The following NR3C2 variants were observed in gnomAD, a reference collection of about 807,000 sequenced individuals.
NR3C2 encodes the protein mineralocorticoid receptor.
Under a neutral mutation model 86.4 loss-of-function variants are expected in NR3C2, and 15 were observed. The ratio of observed to expected loss-of-function variants is 0.17; its 90% CI spans 0.12 to 0.27. The LOEUF is 0.27. NR3C2 is among the 10% of genes least tolerant of loss of function. The pLI is 1.00. For synonymous variants in NR3C2, 458 were observed against 450.5 expected, an observed-to-expected ratio of 1.02 and a Z score of -0.21; for missense variants, 960 against 1,195.6, an observed-to-expected ratio of 0.80 and a Z score of 2.91.
At position 148,435,399 on chromosome 4, in the gene NR3C2, C is replaced by T. The variant is rs374732530; in HGVS notation, c.1462G>A (p.Gly488Arg). The stretch of plus-strand genomic sequence containing the variant: ...TCTTGTTTAATACCCACTGGGAATC[C>T]GCTGCCTTCACAGTTACCATCAAAG... ...PGFDGNCEGS[G>R]FPVGIKQEPD... is the part of the protein sequence containing the mutation. Residue 488 changes from glycine (G) to arginine (R), a missense_variant, in exon 2 of 9, where the codon GGA (glycine) becomes AGA (arginine). Around this residue, in one of 4 missense-constraint regions of NR3C2, gnomAD observed 680 missense variants for 719.0 expected, o/e 0.95. Coordinates refer to ENST00000358102, the MANE Select transcript of NR3C2 (RefSeq NM_000901.5). 6.5e-5 allele frequency: 105 copies of T among 1,613,908 alleles called. No homozygotes were observed. The highest frequency in any genetic ancestry group is 3.3e-4 in the Middle Eastern group (2 of 6,084).
chr4:148,400,674 G>A lies in NR3C2; in HGVS notation c.1757+34430C>T, dbSNP rs527468851. On this transcript the variant is annotated intron_variant, in intron 2 of 8. Transcript: ENST00000358102. ...CATGCCTGTAGTCCCAGCTACTCGG[G>A]AGAATAGGCAGGAGAACTGCATGAA... is the stretch of plus-strand genomic sequence containing the variant. 2.6e-5 allele frequency among the ~76,000 whole-genome samples: 4 copies of A among 151,330 alleles called. No individual in the cohort carries two copies. The East Asian group carries it at 7.8e-4, about 30-fold the overall frequency.
chr4:148,304,700 G>T (rs6854097), intron 2 of NR3C2, among the ~76,000 whole-genome samples: 31,305 of 152,028 alleles, frequency 0.21, 4,094 homozygotes, highest in East Asian at 0.43. Flanking sequence ...AGATGCAGGA[G>T]GAAGATAAGG....
At chr4:148,438,898 T>C (rs72645697) in intron 1 of NR3C2, among the ~76,000 whole-genome samples, 210 of 152,334 alleles carry the variant, frequency 1.4e-3, no homozygotes, top group Non-Finnish European at 2.5e-3. Context: ...TCAACTATTA[T>C]AATATCAATG....
intron 3 of NR3C2, among the ~76,000 whole-genome samples, chr4:148,233,499 C>T (rs1327002165): frequency 6.6e-6 from 1 of 151,734 alleles, no homozygotes; most frequent in African/African-American, 2.4e-5. Flanking sequence ...TAGCTGGGAC[C>T]ACAGGTACAT....
At chr4:148,400,019 A>G (rs1008438613) in intron 2 of NR3C2, among the ~76,000 whole-genome samples, 4 of 149,926 alleles carry the variant, frequency 2.7e-5, no homozygotes. Flanking sequence ...TTTGTCAAGA[A>G]ACTCTTTGTA....
intron 8 of NR3C2, among the ~76,000 whole-genome samples, chr4:148,095,099 A>C (rs1056012123): frequency 2.6e-5 from 4 of 152,256 alleles, no homozygotes; most frequent in African/African-American, 9.6e-5. Context: ...TGATGGTTGC[A>C]CAACTATGTG....
chr4:148,425,269 A>C (rs530706046), intron 2 of NR3C2, among the ~76,000 whole-genome samples: 1 of 152,348 alleles, frequency 6.6e-6, no homozygotes, highest in African/African-American at 2.4e-5. Context: ...TGTACAAGTA[A>C]CAGGCCAGAT....
At chr4:148,380,078 AT>A (rs1746890453) in intron 2 of NR3C2, among the ~76,000 whole-genome samples, 1 of 152,152 alleles carries the variant, frequency 6.6e-6, no homozygotes, top group South Asian at 2.1e-4. Flanking sequence ...TTTGTTTTTT[AT>A]TGAGATATAA....
chr4:148,387,650 A>G (rs989357830), intron 2 of NR3C2, among the ~76,000 whole-genome samples: 3 of 152,172 alleles, frequency 2.0e-5, no homozygotes, highest in South Asian at 2.1e-4. Context: ...GGCGATAACA[A>G]TATGTCTCCC....
intron 2 of NR3C2, among the ~76,000 whole-genome samples, chr4:148,267,630 C>T (rs928848798): frequency 5.3e-5 from 8 of 152,082 alleles, no homozygotes; most frequent in African/African-American, 1.7e-4. Flanking sequence ...TGGATTTCAA[C>T]ATTTCTTCTA....
At chr4:148,172,458 C>T (rs181364716) in intron 4 of NR3C2, among the ~76,000 whole-genome samples, 17 of 152,182 alleles carry the variant, frequency 1.1e-4, no homozygotes, top group African/African-American at 3.9e-4. Context: ...TCAAGACTTA[C>T]GTGTTTTTTG....
chr4:148,163,905 G>C lies in NR3C2; in HGVS notation c.2015-9004C>G, dbSNP rs192092697. Among the ~76,000 whole-genome samples the C allele has an allele frequency of 3.7e-3, 556 of 152,294 alleles. 2 individuals are homozygous for C. Among genetic ancestry groups the C allele is most frequent in the Middle Eastern group, 0.01 (3 of 294 alleles). On this transcript the variant is annotated intron_variant, in intron 4 of 8. Transcript: ENST00000358102. ...TAGCATTAGAGGGAAGTGACTTATT[G>C]TAATGACATGAAAAACTACAATAGA...
At chr4:148,143,134 T>C (rs1267376258) in intron 6 of NR3C2, among the ~76,000 whole-genome samples, 1 of 152,250 alleles carries the variant, frequency 6.6e-6, no homozygotes, top group Non-Finnish European at 1.5e-5. Context: ...TCAGGCAAAA[T>C]CTGTCTGAAC....
chr4:148,427,592 C>T (rs899893597), intron 2 of NR3C2, among the ~76,000 whole-genome samples: 2 of 151,502 alleles, frequency 1.3e-5, no homozygotes, highest in African/African-American at 4.9e-5. Flanking sequence ...TGAGGACAGC[C>T]CAGCACGGGA....
At chr4:148,421,109 A>G (rs1749260151) in intron 2 of NR3C2, among the ~76,000 whole-genome samples, 1 of 152,284 alleles carries the variant, frequency 6.6e-6, no homozygotes, top group Non-Finnish European at 1.5e-5. Flanking sequence ...AGTACTGAAC[A>G]GAGCACATAT....
intron 2 of NR3C2, among the ~76,000 whole-genome samples, chr4:148,343,753 T>A (rs1744861919): frequency 6.6e-6 from 1 of 151,990 alleles, no homozygotes; most frequent in Non-Finnish European, 1.5e-5. Flanking sequence ...AGTGACAAAC[T>A]CACACGCACA....
At chr4:148,315,368 A>G (rs1452555938) in intron 2 of NR3C2, among the ~76,000 whole-genome samples, 1 of 152,168 alleles carries the variant, frequency 6.6e-6, no homozygotes, top group African/African-American at 2.4e-5. Flanking sequence ...TTGTCTCAGT[A>G]TTCCTAACTC....
intron 7 of NR3C2, 91 bp downstream of exon 7, chr4:148,120,067 C>G: frequency 6.4e-7 from 1 of 1,551,038 alleles, no homozygotes; most frequent in Non-Finnish European, 8.9e-7. Context: ...TGTTTTGGTA[C>G]CAACTACCTG....
intron 2 of NR3C2, among the ~76,000 whole-genome samples, chr4:148,273,242 A>T (rs1334964494): frequency 6.6e-6 from 1 of 152,240 alleles, no homozygotes; most frequent in Non-Finnish European, 1.5e-5. Context: ...TATATCAAGG[A>T]CATTATATCT....
Sources: allele counts gnomAD v4.1 joint callset (sites outside exome capture counted in the v4.1 genomes callset), GRCh38; gene constraint gnomAD v4.1.1; regional missense constraint gnomAD v4.1.1; transcripts MANE v1.5; gene names NCBI Gene and HGNC (gene_info 2026-07-23, HGNC 2026-07-21).